SCAF11: variants seen among roughly 807,000 people sequenced by gnomAD.
The protein encoded by SCAF11 is protein SCAF11.
A neutral mutation model predicts 140.5 loss-of-function variants in SCAF11; 47 were observed. That is an observed-to-expected ratio of 0.33 (90% CI 0.26 to 0.43). The LOEUF is 0.43. Ranked by LOEUF, SCAF11 falls within the 20% of genes least tolerant of loss-of-function variation. SCAF11 has a pLI of 1.00. For synonymous variants in SCAF11, 557 were observed against 579.4 expected, an observed-to-expected ratio of 0.96 and a Z score of 0.55; for missense variants, 1,645 against 1,705.1, an observed-to-expected ratio of 0.96 and a Z score of 0.62.
intron 1 of SCAF11, among the ~76,000 whole-genome samples, chr12:45,979,509 A>G (rs960327284): frequency 6.6e-6 from 1 of 152,148 alleles, no homozygotes; most frequent in African/African-American, 2.4e-5. Flanking sequence ...AAATTAGTTT[A>G]TTTTGCACAA....
intron 2 of SCAF11, among the ~76,000 whole-genome samples, 156 bp downstream of exon 2, chr12:45,963,951 G>A (rs1945880574): frequency 6.6e-6 from 1 of 151,722 alleles, no homozygotes; most frequent in African/African-American, 2.4e-5. Context: ...ATAAGATATG[G>A]GAAGAAAAAA....
At chr12:45,933,891 G>C (rs1383815292) in intron 8 of SCAF11, among the ~76,000 whole-genome samples, 2 of 152,004 alleles carry the variant, frequency 1.3e-5, no homozygotes, top group African/African-American at 2.4e-5. Flanking sequence ...TAATAAATAA[G>C]CTACTTCTCA....
intron 1 of SCAF11, among the ~76,000 whole-genome samples, chr12:45,972,897 T>TATATAGATATATAG (rs1946118654): frequency 7.7e-5 from 5 of 64,850 alleles, no homozygotes; most frequent in African/African-American, 3.0e-4. Context: ...TATATAGATA[T>TATATAGATATATAG]ATATATATAT....
intron 3 of SCAF11, chr12:45,953,948 G>A: frequency 1.7e-5 from 11 of 656,672 alleles, no homozygotes; most frequent in Non-Finnish European, 2.3e-5. Flanking sequence ...ATTAACAAAA[G>A]ACAACCACAA....
chr12:45,936,693 T>C (rs1282206796), intron 6 of SCAF11, among the ~76,000 whole-genome samples: 1 of 152,202 alleles, frequency 6.6e-6, no homozygotes, highest in Non-Finnish European at 1.5e-5. Flanking sequence ...GATTGTCCTT[T>C]GTCATTATCC....
intron 4 of SCAF11, among the ~76,000 whole-genome samples, chr12:45,951,196 T>C (rs10880872): frequency 0.15 from 22,224 of 152,164 alleles, 2,090 homozygotes; most frequent in Middle Eastern, 0.21. Context: ...TTTTCAGTTA[T>C]TTTGGACTTA....
chr12:45,990,332 C>T (rs1946566853), intron 1 of SCAF11, 21 bp downstream of exon 1: 1 of 1,231,766 alleles, frequency 8.1e-7, no homozygotes. Context: ...CCATCCACCC[C>T]GCGGGTCGAC....
In SCAF11 at chr12:45,990,367, G is replaced by A. The variant is rs961009248; in HGVS notation, c.-36C>T. The A allele has an allele frequency of 2.4e-6, 3 of 1,231,954 alleles. No homozygotes were observed. The highest frequency in any genetic ancestry group is 1.0e-6 in the Non-Finnish European group (1 of 988,282). The allele number at this position is 1,231,954 out of a possible 1,614,324, so 76.3% of individuals were successfully genotyped here. On this transcript the variant is annotated 5_prime_UTR_variant, in exon 1 of 15. Transcript: ENST00000369367. ...CCAGTGTTTACCTCAGACCGAGGTCGAGGCGCTCGGTCCGGCCGCGGCCCC... is the reference window on the plus strand; with the variant it reads ...CCAGTGTTTACCTCAGACCGAGGTCAAGGCGCTCGGTCCGGCCGCGGCCCC...
intron 1 of SCAF11, among the ~76,000 whole-genome samples, chr12:45,971,517 T>C (rs979742796): frequency 2.6e-4 from 40 of 152,168 alleles, no homozygotes; most frequent in African/African-American, 9.4e-4. Flanking sequence ...TTTACCACCT[T>C]TTCTCCATCC....
intron 1 of SCAF11, among the ~76,000 whole-genome samples, chr12:45,984,149 T>C (rs1946408652): frequency 6.6e-6 from 1 of 151,940 alleles, no homozygotes; most frequent in Non-Finnish European, 1.5e-5. Flanking sequence ...CTTTTTACCT[T>C]AATAAAAAGA....
chr12:45,984,647 G>T (rs1337456893), intron 1 of SCAF11, among the ~76,000 whole-genome samples: 3 of 150,904 alleles, frequency 2.0e-5, no homozygotes, highest in Non-Finnish European at 4.4e-5. Context: ...GCTAGTGAAA[G>T]CCTTTCAAGA....
In SCAF11 at chr12:45,972,964, A is replaced by C. The variant is rs1475855368; in HGVS notation, c.-21-8776T>G. 3.1e-5 allele frequency among the ~76,000 whole-genome samples: 4 copies of C among 129,842 alleles called. 1 individual carries two copies. The highest frequency in any genetic ancestry group is 7.9e-5 in the Admixed American group (1 of 12,618). 85.2% of individuals were successfully genotyped at this position (129,842 alleles called of 152,430 possible). A position where few individuals can be genotyped will look rare whatever the true frequency, so the allele number is the denominator to read the frequency against. On this transcript the variant is annotated intron_variant, in intron 1 of 14. Coordinates refer to ENST00000369367, the MANE Select transcript of SCAF11 (RefSeq NM_004719.3). ...GATATATATATAGATATATAGATAT[A>C]TATATAGATATATAGATATATAGAT...
At chr12:45,953,476 C>T (rs961168541) in intron 3 of SCAF11, among the ~76,000 whole-genome samples, 7 of 152,106 alleles carry the variant, frequency 4.6e-5, no homozygotes, top group Admixed American at 1.3e-4. Context: ...CCTAGGAGTT[C>T]GAGGCTGTAG....
At chr12:45,938,566 G>T (rs1178012602) in intron 6 of SCAF11, among the ~76,000 whole-genome samples, 1 of 151,984 alleles carries the variant, frequency 6.6e-6, no homozygotes, top group African/African-American at 2.4e-5. Flanking sequence ...AGAGATTTGG[G>T]ATGAGAGGGA....
chr12:45,927,289 G>A lies in SCAF11; in HGVS notation c.2412C>T (p.Asn804=). 6.2e-7 allele frequency: 1 copy of A among 1,606,564 alleles called. No individual in the cohort carries two copies. Among genetic ancestry groups the A allele is most frequent in the Non-Finnish European group, 8.5e-7 (1 of 1,175,744 alleles). Residue 804 remains asparagine (N), a synonymous_variant, in exon 11 of 15, where the codon AAC becomes AAT. Coordinates refer to ENST00000369367, the MANE Select transcript of SCAF11 (RefSeq NM_004719.3). ...FHSPSTTWSP[N]KDTPQEKKRP... ...GCTTCTTTTCTTGTGGAGTGTCTTTGTTGGGTGACCAAGTTGTAGATGGAG... is the reference window on the plus strand; with the variant it reads ...GCTTCTTTTCTTGTGGAGTGTCTTTATTGGGTGACCAAGTTGTAGATGGAG...
At chr12:45,941,025 T>G (rs566872849) in intron 6 of SCAF11, among the ~76,000 whole-genome samples, 41 of 152,254 alleles carry the variant, frequency 2.7e-4, no homozygotes, top group Middle Eastern at 6.8e-3. Flanking sequence ...ATCTTATTTC[T>G]GATCATCATT....
intron 6 of SCAF11, among the ~76,000 whole-genome samples, chr12:45,936,721 C>T (rs994125279): frequency 2.0e-5 from 3 of 152,276 alleles, no homozygotes; most frequent in Non-Finnish European, 2.9e-5. Flanking sequence ...CCTCTTTGTC[C>T]TGTTTAATCT....
In SCAF11 at chr12:45,925,021, T is replaced by C. The variant is rs150376258; in HGVS notation, c.3613A>G (p.Ile1205Val). ...NQQVDGSQLPINMMQPQMNVM... is the reference protein window; with the variant it reads ...NQQVDGSQLPVNMMQPQMNVM... ...TTCATTTGCGGTTGCATCATATTTA[T>C]AGGTAGCTGAGAACCATCAACTTGC... The change falls in exon 12 of 15, where the codon ATA becomes GTA. Residue 1205 changes from isoleucine to valine, a missense_variant. Ile to Val is a conservative substitution (Grantham distance 29). Coordinates refer to ENST00000369367, the MANE Select transcript of SCAF11 (RefSeq NM_004719.3). 17 of 1,614,082 alleles carry C rather than the reference T, an allele frequency of 1.1e-5. No individual in the cohort carries two copies. Among genetic ancestry groups the C allele is most frequent in the South Asian group, 9.9e-5 (9 of 91,094 alleles).
At chr12:45,972,865 GATATATAT>G (rs200069087) in intron 1 of SCAF11, among the ~76,000 whole-genome samples, 2 of 83,644 alleles carry the variant, frequency 2.4e-5, no homozygotes, top group Admixed American at 1.3e-4. Context: ...TATATATATC[GATATATAT>G]ATATATAGAT....
Sources: allele counts gnomAD v4.1 joint callset (sites outside exome capture counted in the v4.1 genomes callset), GRCh38; gene constraint gnomAD v4.1.1; transcripts MANE v1.5; gene names NCBI Gene and HGNC (gene_info 2026-07-23, HGNC 2026-07-21).